Variants in KAT6A observed in about 807,000 individuals in gnomAD.
KAT6A encodes the protein lysine acetyltransferase 6A, also known as histone acetyltransferase KAT6A.
KAT6A carries 9 observed loss-of-function variants against 198.4 expected under a neutral mutation model. That is an observed-to-expected ratio of 0.05 (90% CI 0.03 to 0.08). The LOEUF is 0.08. KAT6A is among the 10% of genes least tolerant of loss of function. The probability of loss-of-function intolerance (pLI) is 1.00; values close to 1 mark genes in which losing one functional copy is unlikely to be tolerated. For missense variants in KAT6A, 2,077 were observed against 2,509.9 expected (o/e 0.83, Z 3.69); for synonymous variants, 890 against 883.0 (o/e 1.01, Z -0.14).
chr8:41,957,797 T>G (rs1171334683), intron 8 of KAT6A: 1 of 153,058 alleles, frequency 6.5e-6, no homozygotes, highest in Non-Finnish European at 1.5e-5. Flanking sequence ...AAAAGAGTAT[T>G]ACTCTTCTAC....
At chr8:41,943,668 C>G (rs1254548020) in intron 13 of KAT6A, 80 bp downstream of exon 13, 1 of 862,728 alleles carries the variant, frequency 1.2e-6, no homozygotes, top group Non-Finnish European at 1.9e-6. Flanking sequence ...AATGCCCTTT[C>G]ATCAATAATC....
intron 10 of KAT6A, 139 bp from the exon 11 acceptor site, chr8:41,948,051 G>A (rs1231789193): frequency 3.4e-6 from 2 of 581,156 alleles, no homozygotes; most frequent in Non-Finnish European, 2.8e-6. Context: ...TTTGGAACCT[G>A]GAAGCCATCC....
At chr8:41,948,487 A>G (rs1017771166) in intron 10 of KAT6A, among the ~76,000 whole-genome samples, 12 of 152,172 alleles carry the variant, frequency 7.9e-5, no homozygotes, top group Non-Finnish European at 1.3e-4. Context: ...GGCCAGGCCC[A>G]GGAGCACTCT....
intron 2 of KAT6A, among the ~76,000 whole-genome samples, chr8:42,013,629 T>G (rs764760122): frequency 2.0e-5 from 3 of 152,276 alleles, no homozygotes; most frequent in Non-Finnish European, 4.4e-5. Context: ...TGGGGTTCCT[T>G]GCTCCTATCC....
chr8:41,946,703 G>A lies in KAT6A; in HGVS notation c.1903-19C>T, dbSNP rs1822414059. 1 of 1,444,796 alleles carries A rather than the reference G, an allele frequency of 6.9e-7. No individual in the cohort carries two copies. 89.5% of individuals were successfully genotyped at this position (1,444,796 alleles called of 1,614,324 possible). ...GCTTTTCCTGGTGGAGAAAACACAA[G>A]TCAAGTTTGAAAACAGGCTGGTAAA... On this transcript the variant is annotated intron_variant, in intron 11 of 16. Coordinates refer to ENST00000265713, the MANE Select transcript of KAT6A (RefSeq NM_006766.5).
chr8:41,960,182 C>G (rs1823131518), intron 8 of KAT6A, among the ~76,000 whole-genome samples: 1 of 151,998 alleles, frequency 6.6e-6, no homozygotes, highest in Non-Finnish European at 1.5e-5. Context: ...TTAATGGGTA[C>G]AGAGTTCCAG....
At chr8:41,976,576 A>T (rs1245026343) in intron 7 of KAT6A, among the ~76,000 whole-genome samples, 1 of 152,060 alleles carries the variant, frequency 6.6e-6, no homozygotes, top group Non-Finnish European at 1.5e-5. Flanking sequence ...TCACATCTGC[A>T]AATATTTTGG....
chr8:42,045,200 G>T (rs1287074346), intron 2 of KAT6A, among the ~76,000 whole-genome samples: 1 of 152,136 alleles, frequency 6.6e-6, no homozygotes, highest in Non-Finnish European at 1.5e-5. Flanking sequence ...TTTCCAATGA[G>T]ATTAGTACAT....
chr8:42,007,474 T>C (rs1295765798), intron 2 of KAT6A, among the ~76,000 whole-genome samples: 2 of 152,184 alleles, frequency 1.3e-5, no homozygotes, highest in Admixed American at 6.5e-5. Context: ...AAGATAATCA[T>C]AAATGAATTA....
rs60247515 is a variant in KAT6A at position 41,946,493 on chromosome 8, TACACACACAC to T, written c.1996+88_1996+97del. 7.3e-4 allele frequency: 237 copies of T among 323,534 alleles called. 1 individual carries two copies. The highest frequency in any genetic ancestry group is 1.5e-3 in the Middle Eastern group (2 of 1,362). The allele number at this position is 323,534 out of a possible 1,614,324, so 20.0% of individuals were successfully genotyped here. ...CTACAAATCTTTAAATATATATATA[TACACACACAC>T]ACACACACACACACACACACACACA... On this transcript the variant is annotated intron_variant, in intron 12 of 16. Coordinates refer to ENST00000265713, the MANE Select transcript of KAT6A (RefSeq NM_006766.5).
rs556082187 is a variant in KAT6A at position 42,042,127 on chromosome 8, A to C, written c.600+6251T>G. Among the ~76,000 whole-genome samples the C allele has an allele frequency of 3.4e-4, 52 of 152,338 alleles. 1 individual carries two copies. In the Middle Eastern group the frequency reaches 0.014, roughly 40 times the overall value. ...TATAAAGGTCATTTCCAAATAGCTA[A>C]ATCAAAACTTCATCACTCTTAACTT... On this transcript the variant is annotated intron_variant, in intron 2 of 16. Transcript: ENST00000265713.
intron 8 of KAT6A, chr8:41,957,673 C>T (rs1340302162): frequency 5.6e-6 from 1 of 177,154 alleles, no homozygotes; most frequent in African/African-American, 2.4e-5. Flanking sequence ...TCTAAGATAA[C>T]TAACAGGGGG....
rs1294665494 is a variant in KAT6A, at chr8:41,931,161, G to C, written c.*1044C>G. ...ACCAACAATTTAAGAAAGAACCTAAGAGGCAAATCACTGGGGACTGCTATT... is the reference window on the plus strand; with the variant it reads ...ACCAACAATTTAAGAAAGAACCTAACAGGCAAATCACTGGGGACTGCTATT... On this transcript the variant is annotated 3_prime_UTR_variant, in exon 17 of 17. Transcript: ENST00000265713. 4.5e-6 allele frequency: 1 copy of C among 222,356 alleles called. No individual in the cohort carries two copies. Among genetic ancestry groups the C allele is most frequent in the Non-Finnish European group, 9.0e-6 (1 of 110,990 alleles). 13.8% of individuals were successfully genotyped at this position (222,356 alleles called of 1,614,324 possible).
At chr8:42,010,500 A>C (rs1654783544) in intron 2 of KAT6A, among the ~76,000 whole-genome samples, 1 of 152,184 alleles carries the variant, frequency 6.6e-6, no homozygotes, top group South Asian at 2.1e-4. Context: ...TTGCCTCAAA[A>C]AGATTCAAGA....
In KAT6A at chr8:41,937,433, G is replaced by A. The variant is rs1478383011; in HGVS notation, c.3175C>T (p.Pro1059Ser). The A allele has an allele frequency of 6.2e-7, 1 of 1,614,046 alleles. No individual in the cohort carries two copies. The highest frequency in any genetic ancestry group is 1.7e-5 in the Admixed American group (1 of 60,008). The part of the protein sequence containing the change: ...FEDSDSERPM[P>S]RLEPTFEIDE... ...ATCTCAAACGTGGGTTCTAATCTTG[G>A]CATTGGCCTCTCGGAGTCAGAATCT... Residue 1059 changes from proline (P) to serine (S), a missense_variant, in exon 16 of 17, where the codon CCA (proline) becomes TCA (serine). Around this residue, in one of 13 missense-constraint regions of KAT6A, gnomAD observed 375 missense variants for 383.0 expected, o/e 0.98. Transcript: ENST00000265713.
In KAT6A at chr8:41,933,852, C is replaced by T; in HGVS notation, c.4368G>A (p.Leu1456=). 6.2e-7 allele frequency: 1 copy of T among 1,614,152 alleles called. No individual in the cohort carries two copies. Among genetic ancestry groups the T allele is most frequent in the South Asian group, 1.1e-5 (1 of 91,086 alleles). Residue 1456 remains leucine (L), a synonymous_variant, in exon 17 of 17, where the codon CTG becomes CTA. Transcript: ENST00000265713. The surrounding 1 kb of genome is among the most constrained non-coding windows in gnomAD (Gnocchi z 6.2). The stretch of plus-strand genomic sequence containing the variant: ...CCTCGTCAGCCTGGGTGTAACTCTG[C>T]AGGGTCTGACACGCCGCAAGAGTTT... ...CEETLAACQT[L]QSYTQADEDP...
intron 2 of KAT6A, among the ~76,000 whole-genome samples, chr8:42,014,197 G>A (rs1004189672): frequency 6.6e-6 from 1 of 152,172 alleles, no homozygotes; most frequent in African/African-American, 2.4e-5. Flanking sequence ...CTAAGGGGCA[G>A]AGCCAAAAGG....
At chr8:42,029,569 G>GTT (rs201045645) in intron 2 of KAT6A, among the ~76,000 whole-genome samples, 23 of 132,326 alleles carry the variant, frequency 1.7e-4, no homozygotes, top group African/African-American at 6.3e-4. Context: ...GTTTTTTTTT[G>GTT]TTTTTTTTTT....
At chr8:41,974,599 G>C in intron 8 of KAT6A, 105 bp downstream of exon 8, 1 of 685,824 alleles carries the variant, frequency 1.5e-6, no homozygotes, top group South Asian at 1.9e-5. Context: ...ACTATTCTGA[G>C]ATTAGGCAAA....
Sources: allele counts gnomAD v4.1 joint callset (sites outside exome capture counted in the v4.1 genomes callset), GRCh38; gene constraint gnomAD v4.1.1; regional missense constraint gnomAD v4.1.1; non-coding constraint Gnocchi (gnomAD v3.1); transcripts MANE v1.5; gene names NCBI Gene and HGNC (gene_info 2026-07-23, HGNC 2026-07-21).